The following CCSER1 variants were observed in gnomAD, a reference collection of about 807,000 sequenced individuals.
CCSER1 encodes the protein serine-rich coiled-coil domain-containing protein 1.
In CCSER1, 41 loss-of-function variants were observed where a neutral mutation model predicts 82.0. The observed-to-expected ratio is 0.50, with a 90% confidence interval of 0.39 to 0.65. CCSER1 has a LOEUF of 0.65. Ranked by LOEUF, CCSER1 falls within the 30% of genes least tolerant of loss-of-function variation. CCSER1 has a pLI of 0.00. For missense variants in CCSER1, 1,119 were observed against 1,064.2 expected (o/e 1.05, Z -0.72); for synonymous variants, 414 against 383.9 (o/e 1.08, Z -0.92).
Position 91,169,550 on chromosome 4 carries a change from T to C in CCSER1, c.2217+83556T>C, listed in dbSNP as rs13434773. Reference sequence around the variant, plus strand: ...GCACAAGAATTGCTTGAACCCAGGATGCAGACATTGCAGTTAGTTGAGATC... The same window carrying C: ...GCACAAGAATTGCTTGAACCCAGGACGCAGACATTGCAGTTAGTTGAGATC... On this transcript the variant is annotated intron_variant, in intron 10 of 10. Transcript: ENST00000509176. Among the ~76,000 whole-genome samples the C allele has an allele frequency of 4.9e-3, 739 of 152,050 alleles. 6 individuals carry two copies. The highest frequency in any genetic ancestry group is 0.017 in the African/African-American group (696 of 41,444).
chr4:91,599,088 G>A lies in CCSER1; in HGVS notation c.*31G>A. On this transcript the variant is annotated 3_prime_UTR_variant, in exon 11 of 11. Coordinates refer to ENST00000509176, the MANE Select transcript of CCSER1 (RefSeq NM_001145065.2). ...TCACCGTATTCCTGTCTTTGGGTAGGATAAAGATGGTTAGTGTTTCTCGTG... is the reference window on the plus strand; with the variant it reads ...TCACCGTATTCCTGTCTTTGGGTAGAATAAAGATGGTTAGTGTTTCTCGTG... 6.7e-7 allele frequency: 1 copy of A among 1,489,724 alleles called. No homozygotes were observed. Among genetic ancestry groups the A allele is most frequent in the South Asian group, 1.3e-5 (1 of 75,534 alleles). The allele number at this position is 1,489,724 out of a possible 1,614,324, so 92.3% of individuals were successfully genotyped here. A position where few individuals can be genotyped will look rare whatever the true frequency, so the allele number is the denominator to read the frequency against.
At chr4:91,086,027 A>T (rs1723361665) in intron 10 of CCSER1, 33 bp downstream of exon 10, 4 of 1,305,394 alleles carry the variant, frequency 3.1e-6, no homozygotes, top group Non-Finnish European at 4.3e-6. Flanking sequence ...GGTGGGAAAA[A>T]GAGGAAACAT....
At chr4:91,066,628 A>G (rs1400432741) in intron 9 of CCSER1, among the ~76,000 whole-genome samples, 2 of 152,190 alleles carry the variant, frequency 1.3e-5, no homozygotes, top group Admixed American at 1.3e-4. Context: ...GAAGTAGAAC[A>G]AATACTGACA....
At chr4:90,315,222 AT>A (rs1436034848) in intron 3 of CCSER1, among the ~76,000 whole-genome samples, 2 of 152,024 alleles carry the variant, frequency 1.3e-5, no homozygotes, top group Non-Finnish European at 2.9e-5. Context: ...TTATATTTAA[AT>A]TTTCAAAAGT....
rs1017532401 is a variant in CCSER1 at position 91,602,625 on chromosome 4, TTAC to T, written c.*3573_*3575del. Among the ~76,000 whole-genome samples, 3 of 152,026 alleles carry T rather than the reference TTAC, an allele frequency of 2.0e-5. No individual in the cohort carries two copies. The highest frequency in any genetic ancestry group is 2.9e-5 in the Non-Finnish European group (2 of 67,928). Reference sequence around the variant, plus strand: ...AATCTCATAATTATAATCTAAATTTTTACTACTTTTTCACTTTCAGAACTTAAC... The same window carrying T: ...AATCTCATAATTATAATCTAAATTTTTACTTTTTCACTTTCAGAACTTAAC... On this transcript the variant is annotated 3_prime_UTR_variant, in exon 11 of 11. Coordinates refer to ENST00000509176, the MANE Select transcript of CCSER1 (RefSeq NM_001145065.2).
intron 5 of CCSER1, among the ~76,000 whole-genome samples, chr4:90,498,135 A>T (rs938930723): frequency 2.0e-5 from 3 of 152,144 alleles, no homozygotes; most frequent in African/African-American, 7.2e-5. Context: ...AATCCTATGT[A>T]TGCTATGTTT....
chr4:90,473,928 C>A (rs1764727986), intron 5 of CCSER1, among the ~76,000 whole-genome samples: 1 of 152,120 alleles, frequency 6.6e-6, no homozygotes, highest in Admixed American at 6.6e-5. Context: ...TGGCACTCTG[C>A]ATAGTGCTAG....
chr4:90,411,861 A>G (rs1206829659), intron 4 of CCSER1, among the ~76,000 whole-genome samples: 2 of 152,184 alleles, frequency 1.3e-5, no homozygotes, highest in Non-Finnish European at 2.9e-5. Flanking sequence ...ATGATTGTAC[A>G]TCTAGAAAAC....
At chr4:91,319,275 C>G (rs191148805) in intron 10 of CCSER1, 2 of 201,498 alleles carry the variant, frequency 9.9e-6, no homozygotes, top group African/African-American at 2.4e-5. Context: ...TCAAATAAGA[C>G]GTGATTTGAC....
At chr4:90,307,680 A>T (rs150741553) in intron 1 of CCSER1, among the ~76,000 whole-genome samples, 1 of 152,016 alleles carries the variant, frequency 6.6e-6, no homozygotes, top group East Asian at 1.9e-4. Flanking sequence ...AAAAAAGTCT[A>T]TAGCCATTGG....
intron 10 of CCSER1, among the ~76,000 whole-genome samples, chr4:91,161,793 A>G (rs1381688075): frequency 1.3e-5 from 2 of 152,136 alleles, no homozygotes; most frequent in South Asian, 2.1e-4. Flanking sequence ...GCAATAAGAC[A>G]TAAGCAACAT....
At chr4:91,007,427 T>C (rs1738609921) in intron 9 of CCSER1, among the ~76,000 whole-genome samples, 1 of 152,146 alleles carries the variant, frequency 6.6e-6, no homozygotes, top group Admixed American at 6.5e-5. Flanking sequence ...GGCTTTTCAT[T>C]GCTGGATGAA....
chr4:90,664,848 C>T (rs910095723), intron 6 of CCSER1, among the ~76,000 whole-genome samples: 5 of 151,562 alleles, frequency 3.3e-5, no homozygotes, highest in Admixed American at 6.6e-5. Flanking sequence ...TGTGGTGAGC[C>T]GAGATCACAC....
intron 9 of CCSER1, among the ~76,000 whole-genome samples, chr4:91,053,977 A>G (rs1419849444): frequency 2.6e-5 from 4 of 152,340 alleles, no homozygotes; most frequent in South Asian, 2.1e-4. Context: ...CCATTATAAC[A>G]TAGTGTTGCA....
intron 8 of CCSER1, chr4:90,911,149 G>A (rs1363113070): frequency 5.3e-6 from 2 of 378,790 alleles, no homozygotes; most frequent in South Asian, 2.1e-5. Context: ...TTAAATCTGG[G>A]TAATGATTGC....
intron 3 of CCSER1, among the ~76,000 whole-genome samples, chr4:90,356,105 C>A (rs533206543): frequency 6.6e-6 from 1 of 151,920 alleles, no homozygotes; most frequent in South Asian, 2.1e-4. Flanking sequence ...CTGTAATTAT[C>A]CTGACAAATT....
In CCSER1 at chr4:91,591,528, A is replaced by T. The variant is rs557439141; in HGVS notation, c.2218-7044A>T. Among the ~76,000 whole-genome samples the T allele has an allele frequency of 4.6e-5, 7 of 152,280 alleles. 1 individual carries two copies. In the South Asian group the frequency reaches 1.2e-3, roughly 27 times the overall value. On this transcript the variant is annotated intron_variant, in intron 10 of 10. Coordinates refer to ENST00000509176, the MANE Select transcript of CCSER1 (RefSeq NM_001145065.2). ...GATCTACTCAATCAGTCTCCAAGCA[A>T]CTAGACCAGTGTCAAATGGGTCAGT... is the stretch of plus-strand genomic sequence containing the variant.
At chr4:90,601,460 A>G (rs10008411) in intron 5 of CCSER1, among the ~76,000 whole-genome samples, 67,956 of 151,900 alleles carry the variant, frequency 0.45, 17,592 homozygotes, top group African/African-American at 0.72. Context: ...CTCTTTCCCA[A>G]CTAAAAGTTT....
intron 7 of CCSER1, chr4:90,780,909 C>A: frequency 3.6e-6 from 2 of 553,442 alleles, no homozygotes; most frequent in Non-Finnish European, 4.6e-6. Flanking sequence ...GTATAATTGG[C>A]CCACAGTTCT....
Sources: allele counts gnomAD v4.1 joint callset (sites outside exome capture counted in the v4.1 genomes callset), GRCh38; gene constraint gnomAD v4.1.1; transcripts MANE v1.5; gene names NCBI Gene and HGNC (gene_info 2026-07-23, HGNC 2026-07-21).